HK1: variants seen among roughly 807,000 people sequenced by gnomAD.
HK1 encodes the protein hexokinase 1, also known as hexokinase-1.
HK1 carries 28 observed loss-of-function variants against 91.6 expected under a neutral mutation model. The observed-to-expected ratio is 0.31, with a 90% confidence interval of 0.23 to 0.42. The LOEUF is 0.42. Among genes scored for constraint, HK1 ranks in the 10% least tolerant of loss-of-function variants. The pLI is 1.00. For missense variants in HK1, 770 were observed against 1,219.8 expected (o/e 0.63, Z 5.49); for synonymous variants, 430 against 468.1 (o/e 0.92, Z 1.05).
chr10:69,376,098 T>A (rs1589561233), intron 7 of HK1, among the ~76,000 whole-genome samples: 1 of 152,140 alleles, frequency 6.6e-6, no homozygotes, highest in East Asian at 1.9e-4. Flanking sequence ...CTAACAAATG[T>A]CCTGACAGCG....
At chr10:69,333,807 T>C (rs1343610155) in intron 1 of HK1, among the ~76,000 whole-genome samples, 1 of 152,132 alleles carries the variant, frequency 6.6e-6, no homozygotes, top group African/African-American at 2.4e-5. Flanking sequence ...GAACGTCAGT[T>C]TCTTCATCAA....
chr10:69,279,688 C>T (rs912687678), intron 1 of HK1, among the ~76,000 whole-genome samples: 2 of 152,134 alleles, frequency 1.3e-5, no homozygotes, highest in African/African-American at 2.4e-5. Context: ...ATTTCTTCCT[C>T]ATCAGTCAAG....
intron 1 of HK1, among the ~76,000 whole-genome samples, chr10:69,339,719 C>G (rs879821533): frequency 6.6e-6 from 1 of 152,180 alleles, no homozygotes; most frequent in African/African-American, 2.4e-5. Context: ...GGAGAGCTGC[C>G]TTTTCTAGAA....
chr10:69,318,298 C>T (rs1204417481), upstream of HK1: 3 of 870,286 alleles, frequency 3.4e-6, no homozygotes, highest in Non-Finnish European at 4.1e-6. Flanking sequence ...GACTGCGTAG[C>T]GTCCCCGGCT....
intron 2 of HK1, among the ~76,000 whole-genome samples, chr10:69,354,521 A>C (rs939435324): frequency 3.3e-5 from 5 of 152,162 alleles, no homozygotes; most frequent in African/African-American, 1.2e-4. Context: ...CGAGAACAGC[A>C]TGGGGGGAAC....
rs115849625 is a variant in HK1 at position 69,360,665 on chromosome 10, C to T, written c.375+620C>T. On this transcript the variant is annotated intron_variant, in intron 3 of 17. Coordinates refer to ENST00000359426, the MANE Select transcript of HK1 (RefSeq NM_000188.3). ...CCCCCAGGAAGGGCTGCCCTTCCTC[C>T]CTGCCCAAGGGGCTGTGGGCATGCC... Among the ~76,000 whole-genome samples, 898 of 152,338 alleles carry T rather than the reference C, an allele frequency of 5.9e-3. 8 individuals carry two copies. The highest frequency in any genetic ancestry group is 0.021 in the African/African-American group (864 of 41,584).
intron 5 of HK1, among the ~76,000 whole-genome samples, chr10:69,305,888 A>ATAAC (rs1554808738): frequency 6.7e-6 from 1 of 149,786 alleles, no homozygotes; most frequent in Non-Finnish European, 1.5e-5. Flanking sequence ...AAAACAACAA[A>ATAAC]AAAAAATAAG....
intron 2 of HK1, among the ~76,000 whole-genome samples, chr10:69,356,882 CAAAAAAAAAA>C (rs778360296): frequency 3.2e-5 from 2 of 62,046 alleles, no homozygotes; most frequent in African/African-American, 6.2e-5. Flanking sequence ...AACTCCATCT[CAAAAAAAAAA>C]AAAAAAAAAA....
At chr10:69,306,973 G>A (rs547213994) in intron 5 of HK1, among the ~76,000 whole-genome samples, 3 of 152,288 alleles carry the variant, frequency 2.0e-5, no homozygotes, top group South Asian at 2.1e-4. Flanking sequence ...GGCAGATTAG[G>A]TGTTTCACAA....
chr10:69,394,891 G>C (rs1840066866), intron 15 of HK1, 59 bp from the exon 16 acceptor site: 1 of 1,563,128 alleles, frequency 6.4e-7, no homozygotes, highest in African/African-American at 1.4e-5. Context: ...TGAGACCGAG[G>C]GGTGACAGTT....
chr10:69,366,490 G>A (rs981021831), intron 4 of HK1, among the ~76,000 whole-genome samples: 4 of 152,146 alleles, frequency 2.6e-5, no homozygotes, highest in African/African-American at 9.7e-5. Flanking sequence ...AGGCCAAGAT[G>A]AGCGCAGAGG....
At chr10:69,346,627 A>G (rs1167424113) in intron 2 of HK1, among the ~76,000 whole-genome samples, 2 of 151,632 alleles carry the variant, frequency 1.3e-5, no homozygotes, top group African/African-American at 4.9e-5. Context: ...CCACCTCCCA[A>G]AGTGCTGGGA....
chr10:69,399,642 C>G (rs1357469723), intron 17 of HK1, among the ~76,000 whole-genome samples: 1 of 151,990 alleles, frequency 6.6e-6, no homozygotes. Context: ...AGTGGCCTCC[C>G]TCTGGTCAGG....
At chr10:69,338,438 G>C in intron 1 of HK1, 1 of 1,258,918 alleles carries the variant, frequency 7.9e-7, no homozygotes, top group Middle Eastern at 2.4e-4. Flanking sequence ...TGGTTTGAGA[G>C]GGAGCATTTG....
At chr10:69,274,916 A>G (rs796293025) in intron 1 of HK1, among the ~76,000 whole-genome samples, 6 of 152,134 alleles carry the variant, frequency 3.9e-5, no homozygotes, top group African/African-American at 1.4e-4. Flanking sequence ...ATCTCCCCCA[A>G]CCCATGCCGA....
intron 7 of HK1, among the ~76,000 whole-genome samples, chr10:69,375,230 C>T (rs1391745740): frequency 6.6e-6 from 1 of 152,220 alleles, no homozygotes; most frequent in Non-Finnish European, 1.5e-5. Context: ...GGAAGGGCCA[C>T]AGGCACTCAT....
chr10:69,302,384 T>C (rs1483020049), intron 5 of HK1, among the ~76,000 whole-genome samples: 9 of 151,232 alleles, frequency 6.0e-5, no homozygotes, highest in Admixed American at 5.9e-4. Context: ...TAATGATTTT[T>C]TTTTTTTTGA....
chr10:69,329,575 G>A (rs1190401223), intron 1 of HK1, among the ~76,000 whole-genome samples: 2 of 152,196 alleles, frequency 1.3e-5, no homozygotes, highest in African/African-American at 4.8e-5. Flanking sequence ...ATGAGCAAAC[G>A]AAGGCCCCCC....
intron 8 of HK1, among the ~76,000 whole-genome samples, chr10:69,378,085 T>C (rs1839206480): frequency 1.3e-5 from 2 of 152,218 alleles, no homozygotes; most frequent in African/African-American, 4.8e-5. Flanking sequence ...GTTTGTTGTA[T>C]GATCACTCTC....
Sources: gnomAD v4.1 joint callset for allele counts (sites outside exome capture counted in the v4.1 genomes callset) on GRCh38, gnomAD v4.1.1 for gene constraint, MANE v1.5 for transcripts, NCBI Gene and HGNC (gene_info 2026-07-23, HGNC 2026-07-21) for gene names.